The following SRD5A2 variants were observed in gnomAD, a reference collection of about 807,000 sequenced individuals.
SRD5A2 encodes 3-oxo-5-alpha-steroid 4-dehydrogenase 2.
SRD5A2 carries 30 observed loss-of-function variants against 27.4 expected under a neutral mutation model. The observed-to-expected ratio is 1.10, with a 90% CI of 0.82 to 1.49. The LOEUF (loss-of-function observed/expected upper bound fraction) is 1.49. Ranked by LOEUF, SRD5A2 falls within the 40% of genes most tolerant of loss-of-function variation. The probability of loss-of-function intolerance (pLI) is 0.00; values close to 1 mark genes in which losing one functional copy is unlikely to be tolerated. For synonymous variants in SRD5A2, 141 were observed against 133.6 expected (o/e 1.06, Z -0.38); for missense variants, 348 against 323.4 (o/e 1.08, Z -0.58).
In SRD5A2 at chr2:31,552,433, C is replaced by T. The variant is rs113105037; in HGVS notation, c.282-18667G>A. On this transcript the variant is annotated intron_variant, in intron 1 of 4. Coordinates refer to ENST00000622030, the MANE Select transcript of SRD5A2 (RefSeq NM_000348.4). ...GTCCAAGGGGACAGTTTCTATCTTG[C>T]CCCACATGGAACATTGACAGTACTG... Among the ~76,000 whole-genome samples, 329 of 151,992 alleles carry T rather than the reference C, an allele frequency of 2.2e-3. 2 individuals are homozygous for T. Among genetic ancestry groups the T allele is most frequent in the African/African-American group, 7.6e-3 (314 of 41,448 alleles).
chr2:31,628,880 TTTCA>T, the SRD5A2 span, among the ~76,000 whole-genome samples: 2 of 152,170 alleles, frequency 1.3e-5, no homozygotes, highest in African/African-American at 2.4e-5. Context: ...ACATTCTTTC[TTTCA>T]TTTTGACCTT....
chr2:31,578,356 A>T (rs1309626146), intron 1 of SRD5A2, among the ~76,000 whole-genome samples: 1 of 94 alleles, frequency 0.011, no homozygotes, highest in African/African-American at 0.042. Flanking sequence ...AGAGCCTGAG[A>T]TCTGGAGTCT....
the SRD5A2 span, among the ~76,000 whole-genome samples, chr2:31,594,732 T>C: frequency 6.6e-6 from 1 of 152,130 alleles, no homozygotes; most frequent in Non-Finnish European, 1.5e-5. Flanking sequence ...ACAAACATTC[T>C]ACCCAACCAA....
At chr2:31,537,872 T>C (rs961856798) in intron 1 of SRD5A2, among the ~76,000 whole-genome samples, 1 of 152,180 alleles carries the variant, frequency 6.6e-6, no homozygotes, top group African/African-American at 2.4e-5. Flanking sequence ...GATTTGTTCA[T>C]TCTTGCCCTT....
the SRD5A2 span, among the ~76,000 whole-genome samples, chr2:31,654,405 A>G: frequency 6.6e-6 from 1 of 152,146 alleles, no homozygotes; most frequent in African/African-American, 2.4e-5. Flanking sequence ...TGGAAAAAGC[A>G]CCCAGGGCTG....
chr2:31,614,846 T>C, the SRD5A2 span, among the ~76,000 whole-genome samples: 1,650 of 152,266 alleles, frequency 0.011, 20 homozygotes, highest in African/African-American at 0.038. Flanking sequence ...TTATCTTTAA[T>C]TGTAGCTCCC....
At chr2:31,648,317 A>G in the SRD5A2 span, among the ~76,000 whole-genome samples, 3 of 152,256 alleles carry the variant, frequency 2.0e-5, no homozygotes, top group Non-Finnish European at 4.4e-5. Flanking sequence ...CATTTGGATT[A>G]CATATATGAA....
At chr2:31,577,162 T>TTA (rs71405579) in intron 1 of SRD5A2, among the ~76,000 whole-genome samples, 1 of 57,180 alleles carries the variant, frequency 1.7e-5, no homozygotes, top group Non-Finnish European at 2.9e-5. Context: ...AAAAAAACAT[T>TTA]AAAAAAAAAA....
chr2:31,650,638 T>C, the SRD5A2 span, among the ~76,000 whole-genome samples: 1 of 152,202 alleles, frequency 6.6e-6, no homozygotes, highest in African/African-American at 2.4e-5. Context: ...TTTTATATTC[T>C]AAGCCAAACA....
the SRD5A2 span, among the ~76,000 whole-genome samples, chr2:31,591,530 G>C: frequency 2.8e-4 from 42 of 151,898 alleles, 1 homozygote; most frequent in Admixed American, 1.2e-3. Flanking sequence ...TCAGTGTGGT[G>C]ATTCCTCAGG....
At chr2:31,604,358 GATGAT>G in the SRD5A2 span, among the ~76,000 whole-genome samples, 7 of 151,780 alleles carry the variant, frequency 4.6e-5, no homozygotes, top group African/African-American at 1.7e-4. Flanking sequence ...TTTGCTTGCA[GATGAT>G]ATGTTCTCAT....
At chr2:31,578,471 C>T (rs1015733536) in intron 1 of SRD5A2, among the ~76,000 whole-genome samples, 3 of 152,122 alleles carry the variant, frequency 2.0e-5, no homozygotes, top group Non-Finnish European at 4.4e-5. Context: ...ATGGGCGTGC[C>T]TACCTAAATG....
intron 1 of SRD5A2, among the ~76,000 whole-genome samples, chr2:31,572,957 T>C (rs1666881769): frequency 1.3e-5 from 2 of 152,158 alleles, no homozygotes. Flanking sequence ...CTGGATAATA[T>C]GGCATAGTTA....
the SRD5A2 span, among the ~76,000 whole-genome samples, chr2:31,651,134 A>G: frequency 6.6e-6 from 1 of 152,176 alleles, no homozygotes; most frequent in East Asian, 1.9e-4. Context: ...ATGGTGCCTC[A>G]TGCCTAAGGG....
chr2:31,543,158 T>A (rs188375625), intron 1 of SRD5A2, among the ~76,000 whole-genome samples: 1 of 152,124 alleles, frequency 6.6e-6, no homozygotes, highest in Non-Finnish European at 1.5e-5. Flanking sequence ...ATTTTCAAAG[T>A]GCTAATATAA....
the SRD5A2 span, among the ~76,000 whole-genome samples, chr2:31,635,466 T>C: frequency 6.6e-6 from 1 of 152,138 alleles, no homozygotes; most frequent in Non-Finnish European, 1.5e-5. Context: ...GGCAGATGGA[T>C]AGTTGCAAAT....
chr2:31,547,251 C>T (rs189082119), intron 1 of SRD5A2, among the ~76,000 whole-genome samples: 7 of 152,228 alleles, frequency 4.6e-5, no homozygotes, highest in Non-Finnish European at 8.8e-5. Flanking sequence ...TTGGATGTGA[C>T]CTTGACTGGA....
At chr2:31,632,090 C>G in the SRD5A2 span, among the ~76,000 whole-genome samples, 2 of 151,998 alleles carry the variant, frequency 1.3e-5, no homozygotes, top group African/African-American at 4.8e-5. Context: ...AAGTTTATCA[C>G]TCAGTCAGCT....
rs531311338 is a variant in SRD5A2, at chr2:31,568,272, G to T, written c.281+12348C>A. Among the ~76,000 whole-genome samples, 452 of 152,256 alleles carry T rather than the reference G, an allele frequency of 3.0e-3. 1 individual carries two copies. Among genetic ancestry groups the T allele is most frequent in the African/African-American group, 0.01 (426 of 41,554 alleles). Reference sequence around the variant, plus strand: ...TGCCTGCAATGTGACAAGCAGGGGGGCATGTTTCAGACCTGTTTGTGTTAC... The same window carrying T: ...TGCCTGCAATGTGACAAGCAGGGGGTCATGTTTCAGACCTGTTTGTGTTAC... On this transcript the variant is annotated intron_variant, in intron 1 of 4. Transcript: ENST00000622030.
Sources: gnomAD v4.1 joint callset for allele counts (sites outside exome capture counted in the v4.1 genomes callset) on GRCh38, gnomAD v4.1.1 for gene constraint, MANE v1.5 for transcripts, NCBI Gene and HGNC (gene_info 2026-07-23, HGNC 2026-07-21) for gene names.